Variants in PTPRT observed in about 807,000 individuals in gnomAD.
The protein encoded by PTPRT is receptor-type tyrosine-protein phosphatase T.
PTPRT carries 56 observed loss-of-function variants against 176.8 expected under a neutral mutation model. The observed-to-expected ratio is 0.32, with a 90% CI of 0.26 to 0.40. PTPRT has a LOEUF of 0.40. PTPRT is among the 10% of genes least tolerant of loss of function. The pLI, the probability that PTPRT is intolerant of heterozygous loss-of-function variation, is 1.00. For missense variants in PTPRT, 1,540 were observed against 1,908.2 expected, an observed-to-expected ratio of 0.81 and a Z score of 3.60; for synonymous variants, 783 against 739.0, an observed-to-expected ratio of 1.06 and a Z score of -0.96.
chr20:42,612,017 T>G (rs1600469983), intron 7 of PTPRT, among the ~76,000 whole-genome samples: 1 of 152,172 alleles, frequency 6.6e-6, no homozygotes, highest in Admixed American at 6.5e-5. Context: ...AGACCCATGC[T>G]GACATGGGCC....
chr20:42,752,554 A>G (rs180804492), intron 6 of PTPRT, among the ~76,000 whole-genome samples: 6 of 152,302 alleles, frequency 3.9e-5, no homozygotes, highest in Admixed American at 2.0e-4. Flanking sequence ...TCTTTCTGTG[A>G]TATCCCAGGG....
intron 7 of PTPRT, among the ~76,000 whole-genome samples, chr20:42,647,585 T>C (rs1007125119): frequency 1.3e-5 from 2 of 152,076 alleles, no homozygotes; most frequent in African/African-American, 2.4e-5. Context: ...ATCAGCCTGA[T>C]CCTCAGGAAG....
intron 11 of PTPRT, among the ~76,000 whole-genome samples, chr20:42,341,441 G>T (rs548653958): frequency 6.6e-6 from 1 of 152,006 alleles, no homozygotes; most frequent in South Asian, 2.1e-4. Context: ...AAAATTAAAC[G>T]ATTCTTCCTT....
intron 6 of PTPRT, among the ~76,000 whole-genome samples, chr20:42,755,316 T>C (rs1013538683): frequency 7.9e-5 from 12 of 152,068 alleles, no homozygotes. Flanking sequence ...AGGTCAAAGT[T>C]TCCACACCCA....
intron 2 of PTPRT, among the ~76,000 whole-genome samples, chr20:42,881,007 C>A (rs2079003587): frequency 6.6e-6 from 1 of 152,206 alleles, no homozygotes; most frequent in Non-Finnish European, 1.5e-5. Context: ...TGTCAGGACC[C>A]ACAGTAGAAC....
intron 13 of PTPRT, among the ~76,000 whole-genome samples, chr20:42,262,349 G>T (rs1568719340): frequency 6.6e-6 from 1 of 152,152 alleles, no homozygotes; most frequent in Non-Finnish European, 1.5e-5. Context: ...CCTAAGACAG[G>T]GTCTTCCCTA....
At chr20:42,797,514 C>G (rs1237812765) in intron 2 of PTPRT, among the ~76,000 whole-genome samples, 2 of 152,036 alleles carry the variant, frequency 1.3e-5, no homozygotes, top group African/African-American at 4.8e-5. Context: ...CCCCTCCTGC[C>G]TCTTATATGA....
At chr20:42,331,814 C>T (rs773342824) in intron 11 of PTPRT, among the ~76,000 whole-genome samples, 1 of 152,102 alleles carries the variant, frequency 6.6e-6, no homozygotes, top group Non-Finnish European at 1.5e-5. Flanking sequence ...ATACCAAATT[C>T]CAGAGATGTC....
At chr20:42,091,878 A>G (rs985437170) in intron 27 of PTPRT, among the ~76,000 whole-genome samples, 2 of 152,140 alleles carry the variant, frequency 1.3e-5, no homozygotes, top group African/African-American at 4.8e-5. Flanking sequence ...GCTCCATAAT[A>G]CAATCTCCAC....
intron 1 of PTPRT, among the ~76,000 whole-genome samples, chr20:43,182,834 C>CAA (rs10622472): frequency 2.7e-5 from 4 of 150,866 alleles, no homozygotes; most frequent in East Asian, 1.9e-4. Context: ...ACCAAAGGCG[C>CAA]AAAAAAAACA....
intron 13 of PTPRT, among the ~76,000 whole-genome samples, chr20:42,266,356 T>C (rs150286126): frequency 7.9e-5 from 12 of 152,332 alleles, no homozygotes; most frequent in Non-Finnish European, 1.6e-4. Context: ...ACAGCTACTC[T>C]GGCCTCCAGA....
At position 42,572,570 on chromosome 20, in the gene PTPRT, T is replaced by C. The variant is rs62203788; in HGVS notation, c.1154-100008A>G. Among the ~76,000 whole-genome samples the C allele has an allele frequency of 9.3e-3, 1,410 of 152,318 alleles. 15 individuals carry two copies. The highest frequency in any genetic ancestry group is 0.024 in the Middle Eastern group (7 of 294). On this transcript the variant is annotated intron_variant, in intron 7 of 30. Coordinates refer to ENST00000373187, the MANE Select transcript of PTPRT (RefSeq NM_007050.6). Reference sequence around the variant, plus strand: ...TCTCCCTTGTCCTTTCGAGCCCATATAAAATGCACCTTTCTCAGGAAAGCC... The same window carrying C: ...TCTCCCTTGTCCTTTCGAGCCCATACAAAATGCACCTTTCTCAGGAAAGCC...
intron 7 of PTPRT, among the ~76,000 whole-genome samples, chr20:42,619,139 G>GT (rs2074139398): frequency 6.6e-6 from 1 of 150,614 alleles, no homozygotes; most frequent in African/African-American, 2.5e-5. Flanking sequence ...AGGCCTGGTG[G>GT]TGACAAAATG....
chr20:43,071,354 T>C (rs1414168976), intron 1 of PTPRT, among the ~76,000 whole-genome samples: 1 of 152,136 alleles, frequency 6.6e-6, no homozygotes, highest in Non-Finnish European at 1.5e-5. Flanking sequence ...CCCAGCCATT[T>C]GTGGTTGAAC....
chr20:42,316,018 C>T (rs41279244), intron 11 of PTPRT, 22 bp from the exon 12 acceptor site: 45,506 of 1,610,590 alleles, frequency 0.028, 813 homozygotes, highest in Non-Finnish European at 0.034. Flanking sequence ...AGAGGAGACA[C>T]AGATGGTTGA....
At chr20:43,140,050 C>T (rs902751660) in intron 1 of PTPRT, among the ~76,000 whole-genome samples, 2 of 152,222 alleles carry the variant, frequency 1.3e-5, no homozygotes, top group East Asian at 3.8e-4. Context: ...CACCCAGGCC[C>T]CTTCCCCAGC....
chr20:42,824,326 T>G (rs2077954296), intron 2 of PTPRT, among the ~76,000 whole-genome samples: 1 of 152,078 alleles, frequency 6.6e-6, no homozygotes, highest in Non-Finnish European at 1.5e-5. Flanking sequence ...GTTTTGTTTT[T>G]TTTCATAAAG....
chr20:42,178,319 G>A (rs140187429), intron 16 of PTPRT, among the ~76,000 whole-genome samples: 1 of 152,274 alleles, frequency 6.6e-6, no homozygotes, highest in East Asian at 1.9e-4. Context: ...CAAGTCATAA[G>A]GGAGTCAATG....
chr20:42,343,785 G>T (rs1245806226), intron 11 of PTPRT, among the ~76,000 whole-genome samples: 2 of 152,196 alleles, frequency 1.3e-5, no homozygotes, highest in Non-Finnish European at 2.9e-5. Flanking sequence ...AGTGCTGGAG[G>T]ATACACAGCA....
Sources: gnomAD v4.1 joint callset for allele counts (sites outside exome capture counted in the v4.1 genomes callset) on GRCh38, gnomAD v4.1.1 for gene constraint, MANE v1.5 for transcripts, NCBI Gene and HGNC (gene_info 2026-07-23, HGNC 2026-07-21) for gene names.